LUZP2: variants seen among roughly 807,000 people sequenced by gnomAD.
LUZP2 encodes leucine zipper protein 2.
In LUZP2, 52 loss-of-function variants were observed where a neutral mutation model predicts 51.6. The ratio of observed to expected loss-of-function variants is 1.01; its 90% CI spans 0.81 to 1.27. The LOEUF (loss-of-function observed/expected upper bound fraction) is 1.27. Among genes scored for constraint, LUZP2 ranks in the 50% most tolerant of loss-of-function variants. The probability of loss-of-function intolerance (pLI) is 0.00; values close to 1 mark genes in which losing one functional copy is unlikely to be tolerated. For synonymous variants in LUZP2, 154 were observed against 137.3 expected, an observed-to-expected ratio of 1.12 and a Z score of -0.85; for missense variants, 436 against 395.4, an observed-to-expected ratio of 1.10 and a Z score of -0.87.
rs543333653 is a variant in LUZP2, at chr11:24,957,589, G to A, written c.523-19002G>A. On this transcript the variant is annotated intron_variant, in intron 7 of 11. Transcript: ENST00000336930. The stretch of plus-strand genomic sequence containing the variant: ...TCAGAGACTACATATAAGTGAGAAC[G>A]TGTGGTATTTGACTTTCTTACTCAG... 5.3e-5 allele frequency among the ~76,000 whole-genome samples: 8 copies of A among 152,166 alleles called. No homozygotes were observed. The South Asian group carries it at 1.7e-3, about 32-fold the overall frequency.
At chr11:25,009,478 T>C (rs1305422628) in intron 9 of LUZP2, among the ~76,000 whole-genome samples, 1 of 152,166 alleles carries the variant, frequency 6.6e-6, no homozygotes, top group African/African-American at 2.4e-5. Flanking sequence ...TTAGTGTTAG[T>C]ACTTCATAAT....
At chr11:24,519,794 A>G (rs11027972) in intron 1 of LUZP2, among the ~76,000 whole-genome samples, 5,952 of 152,262 alleles carry the variant, frequency 0.039, 152 homozygotes, top group Non-Finnish European at 0.061. Flanking sequence ...ATCTTTTTTA[A>G]AAAAGGCTTT....
chr11:24,726,365 A>G (rs1249971011), intron 1 of LUZP2, among the ~76,000 whole-genome samples: 1 of 152,078 alleles, frequency 6.6e-6, no homozygotes, highest in Admixed American at 6.6e-5. Flanking sequence ...ATTATAGGCT[A>G]GAATAGCTGA....
At chr11:24,832,273 T>G (rs1486727) in intron 5 of LUZP2, among the ~76,000 whole-genome samples, 25,374 of 148,900 alleles carry the variant, frequency 0.17, 2,439 homozygotes, top group African/African-American at 0.26. Flanking sequence ...ACTTGACTTG[T>G]TCTATATTTA....
At chr11:24,790,660 C>A (rs1228911441) in intron 5 of LUZP2, among the ~76,000 whole-genome samples, 2 of 152,074 alleles carry the variant, frequency 1.3e-5, no homozygotes, top group African/African-American at 4.8e-5. Context: ...TATCACCACG[C>A]CCAGCTAATT....
At position 24,574,271 on chromosome 11, in the gene LUZP2, T is replaced by C. The variant is rs867147499; in HGVS notation, c.62+76966T>C. 5.4e-3 allele frequency among the ~76,000 whole-genome samples: 201 copies of C among 37,276 alleles called. 1 individual carries two copies. Among genetic ancestry groups the C allele is most frequent in the South Asian group, 0.011 (9 of 828 alleles). 24.5% of individuals were successfully genotyped at this position (37,276 alleles called of 152,430 possible). On this transcript the variant is annotated intron_variant, in intron 1 of 11. Transcript: ENST00000336930. ...TTCTTTCTTTCTTTCTTGCTTTCTT[T>C]CTTTCTTTCTTTCTTTCCTTTCTTT...
In LUZP2 at chr11:24,764,489, C is replaced by CAAAAAAAAAAAAAAAAA. The variant is rs1565124723; in HGVS notation, c.396+1181_396+1182insAAAAAAAAAAAAAAAAA. Among the ~76,000 whole-genome samples the CAAAAAAAAAAAAAAAAA allele has an allele frequency of 8.5e-4, 48 of 56,408 alleles. 4 individuals carry two copies. Among genetic ancestry groups the CAAAAAAAAAAAAAAAAA allele is most frequent in the East Asian group, 5.0e-3 (11 of 2,198 alleles). The allele number at this position is 56,408 out of a possible 152,430, so 37.0% of individuals were successfully genotyped here. On this transcript the variant is annotated intron_variant, in intron 5 of 11. Transcript: ENST00000336930. Reference sequence around the variant, plus strand: ...TGGACAACATGGTAAAATCTCATCTCTAAAAAAAAAAAAAAAAAAAAAAAA... The same window carrying CAAAAAAAAAAAAAAAAA: ...TGGACAACATGGTAAAATCTCATCTCAAAAAAAAAAAAAAAAATAAAAAAAAAAAAAAAAAAAAAAAA...
Position 24,826,190 on chromosome 11 carries a change from A to AAAAATATATAT in LUZP2, c.396+62883_396+62884insAAATATATATA, listed in dbSNP as rs1215786412. On this transcript the variant is annotated intron_variant, in intron 5 of 11. Coordinates refer to ENST00000336930, the MANE Select transcript of LUZP2 (RefSeq NM_001009909.4). The stretch of plus-strand genomic sequence containing the variant: ...GACTCCATCTCAAAAAAAAAAAAAA[A>AAAAATATATAT]ATATATATATATATATATAGTAAAA... 5.9e-3 allele frequency among the ~76,000 whole-genome samples: 397 copies of AAAAATATATAT among 67,532 alleles called. 10 individuals carry two copies. The highest frequency in any genetic ancestry group is 0.029 in the South Asian group (55 of 1,890). 44.3% of individuals were successfully genotyped at this position (67,532 alleles called of 152,430 possible).
intron 1 of LUZP2, among the ~76,000 whole-genome samples, chr11:24,619,566 G>A (rs1326608851): frequency 6.6e-6 from 1 of 151,982 alleles, no homozygotes; most frequent in East Asian, 1.9e-4. Context: ...CCACATTATA[G>A]GAAAAAGTAG....
At chr11:24,658,287 T>G (rs1296640219) in intron 1 of LUZP2, among the ~76,000 whole-genome samples, 1 of 152,178 alleles carries the variant, frequency 6.6e-6, no homozygotes, top group African/African-American at 2.4e-5. Context: ...TACAACTATC[T>G]GATCTTTGAC....
intron 5 of LUZP2, among the ~76,000 whole-genome samples, chr11:24,822,359 A>G (rs534925247): frequency 6.6e-6 from 1 of 152,198 alleles, no homozygotes; most frequent in South Asian, 2.1e-4. Context: ...ACAGAGGTGA[A>G]CCACTCTTAG....
chr11:24,913,566 A>G (rs1279521931), intron 6 of LUZP2, among the ~76,000 whole-genome samples: 1 of 152,122 alleles, frequency 6.6e-6, no homozygotes. Flanking sequence ...TAATTTTATC[A>G]GAAACTGTCA....
In LUZP2 at chr11:24,905,999, C is replaced by T. The variant is rs1853441443; in HGVS notation, c.405C>T (p.Ser135=). ...MIRDLQNENK[S]LKNKLLSGNK... ...TATGTTTTCTTCCTCAGAATAAAAGCTTGAAAAACAAACTCTTGTCAGGAA... is the reference window on the plus strand; with the variant it reads ...TATGTTTTCTTCCTCAGAATAAAAGTTTGAAAAACAAACTCTTGTCAGGAA... The change falls in exon 6 of 12, where the codon AGC becomes AGT. Residue 135 remains serine (S), a synonymous_variant. Transcript: ENST00000336930. The T allele has an allele frequency of 6.2e-7, 1 of 1,611,464 alleles. No individual in the cohort carries two copies. The highest frequency in any genetic ancestry group is 8.5e-7 in the Non-Finnish European group (1 of 1,178,072).
chr11:24,650,471 C>A (rs1855593997), intron 1 of LUZP2, among the ~76,000 whole-genome samples: 1 of 151,952 alleles, frequency 6.6e-6, no homozygotes, highest in African/African-American at 2.4e-5. Context: ...ATTTTGTTTA[C>A]ATTTTAAAAG....
At chr11:25,049,776 G>A (rs1858433093) in intron 9 of LUZP2, among the ~76,000 whole-genome samples, 2 of 151,826 alleles carry the variant, frequency 1.3e-5, no homozygotes, top group African/African-American at 4.8e-5. Flanking sequence ...AATATTTTCA[G>A]TAAGAAAATA....
intron 5 of LUZP2, among the ~76,000 whole-genome samples, chr11:24,794,429 G>A (rs1367515314): frequency 6.6e-6 from 1 of 152,084 alleles, no homozygotes; most frequent in Admixed American, 6.6e-5. Flanking sequence ...CCAACAGTGC[G>A]TATTTTCAGA....
intron 11 of LUZP2, among the ~76,000 whole-genome samples, chr11:25,078,274 A>T (rs1231643127): frequency 6.6e-6 from 1 of 152,238 alleles, no homozygotes; most frequent in East Asian, 1.9e-4. Flanking sequence ...CTTATTTTCA[A>T]ACTTTGAATT....
At chr11:24,754,272 C>T (rs1428692333) in intron 4 of LUZP2, among the ~76,000 whole-genome samples, 1 of 152,184 alleles carries the variant, frequency 6.6e-6, no homozygotes, top group Non-Finnish European at 1.5e-5. Context: ...CCTAGGATTA[C>T]AGTTGTGAGC....
intron 9 of LUZP2, among the ~76,000 whole-genome samples, chr11:25,025,714 C>T (rs1210950115): frequency 6.6e-6 from 1 of 152,122 alleles, no homozygotes; most frequent in African/African-American, 2.4e-5. Flanking sequence ...ACTAGTTCAA[C>T]CCTTGTGGAA....
Sources: allele counts gnomAD v4.1 joint callset (sites outside exome capture counted in the v4.1 genomes callset), GRCh38; gene constraint gnomAD v4.1.1; transcripts MANE v1.5; gene names NCBI Gene and HGNC (gene_info 2026-07-23, HGNC 2026-07-21).